The following CNTNAP4 variants were observed in gnomAD, a reference collection of about 807,000 sequenced individuals.
The protein encoded by CNTNAP4 is contactin associated protein family member 4, also known as contactin-associated protein-like 4.
A neutral mutation model predicts 148.4 loss-of-function variants in CNTNAP4; 98 were observed. The observed-to-expected ratio is 0.66, with a 90% CI of 0.56 to 0.78. The LOEUF (loss-of-function observed/expected upper bound fraction) is 0.78. Among genes scored for constraint, CNTNAP4 ranks in the 30% least tolerant of loss-of-function variants. The probability of loss-of-function intolerance (pLI) is 0.00; values close to 1 mark genes in which losing one functional copy is unlikely to be tolerated. For synonymous variants in CNTNAP4, 730 were observed against 565.1 expected, an observed-to-expected ratio of 1.29 and a Z score of -4.14; for missense variants, 1,935 against 1,565.6, an observed-to-expected ratio of 1.24 and a Z score of -3.98.
chr16:76,360,873 G>A (rs1206222682), intron 3 of CNTNAP4, among the ~76,000 whole-genome samples: 1 of 143,954 alleles, frequency 6.9e-6, no homozygotes, highest in Non-Finnish European at 1.5e-5. Context: ...CTGGAGTGCA[G>A]TGGCACGATC....
At chr16:76,372,943 T>C (rs2015007374) in intron 3 of CNTNAP4, among the ~76,000 whole-genome samples, 1 of 152,198 alleles carries the variant, frequency 6.6e-6, no homozygotes, top group Non-Finnish European at 1.5e-5. Flanking sequence ...GCTAATGTGG[T>C]TTCGAAGAGA....
At chr16:76,372,155 T>TC (rs2014900456) in intron 3 of CNTNAP4, among the ~76,000 whole-genome samples, 1 of 151,200 alleles carries the variant, frequency 6.6e-6, no homozygotes, top group African/African-American at 2.4e-5. Flanking sequence ...TTTTTTTTTT[T>TC]TTGAGACGGA....
chr16:76,514,108 A>T (rs2083138634), intron 15 of CNTNAP4, among the ~76,000 whole-genome samples: 1 of 152,190 alleles, frequency 6.6e-6, no homozygotes, highest in African/African-American at 2.4e-5. Context: ...TTGCTAATTC[A>T]GAATAGGTTA....
chr16:76,366,136 T>A (rs1242489817), intron 3 of CNTNAP4, among the ~76,000 whole-genome samples: 7 of 152,170 alleles, frequency 4.6e-5, no homozygotes, highest in Admixed American at 1.3e-4. Context: ...TTATAAAAAA[T>A]TTGCTGAAAT....
At chr16:76,397,992 A>G (rs1158832947) in intron 3 of CNTNAP4, among the ~76,000 whole-genome samples, 3 of 82,200 alleles carry the variant, frequency 3.6e-5, no homozygotes, top group East Asian at 3.8e-4. Context: ...ATATATATAT[A>G]TATATATATG....
intron 2 of CNTNAP4, among the ~76,000 whole-genome samples, chr16:76,339,512 C>T (rs1340884482): frequency 6.6e-6 from 1 of 151,822 alleles, no homozygotes; most frequent in Non-Finnish European, 1.5e-5. Context: ...ACATTTCAGA[C>T]ACTCTAGAGA....
At chr16:76,458,248 C>G (rs1285673407) in intron 8 of CNTNAP4, among the ~76,000 whole-genome samples, 2 of 152,048 alleles carry the variant, frequency 1.3e-5, no homozygotes, top group African/African-American at 4.8e-5. Context: ...AATAATACTA[C>G]AATAAATACG....
intron 15 of CNTNAP4, among the ~76,000 whole-genome samples, chr16:76,520,513 A>T (rs1209708434): frequency 6.6e-6 from 1 of 152,162 alleles, no homozygotes; most frequent in Non-Finnish European, 1.5e-5. Flanking sequence ...CATCTACTTC[A>T]TTCTTATTGG....
chr16:76,348,292 C>T (rs1273722019), intron 2 of CNTNAP4, among the ~76,000 whole-genome samples: 1 of 151,070 alleles, frequency 6.6e-6, no homozygotes, highest in African/African-American at 2.4e-5. Context: ...AATGGAAAAT[C>T]AGTTTTGGAA....
intron 1 of CNTNAP4, among the ~76,000 whole-genome samples, chr16:76,300,212 T>C (rs1959807408): frequency 6.6e-6 from 1 of 152,184 alleles, no homozygotes. Flanking sequence ...GATGTACTTT[T>C]AAAGAATATC....
chr16:76,297,728 C>T (rs1959463403), intron 1 of CNTNAP4, among the ~76,000 whole-genome samples: 1 of 152,156 alleles, frequency 6.6e-6, no homozygotes, highest in Non-Finnish European at 1.5e-5. Flanking sequence ...TGGTTATATG[C>T]AAATCCTTCA....
At chr16:76,541,370 C>T (rs1436023349) in intron 21 of CNTNAP4, among the ~76,000 whole-genome samples, 1 of 152,094 alleles carries the variant, frequency 6.6e-6, no homozygotes, top group African/African-American at 2.4e-5. Context: ...GCACTGTTGC[C>T]ATTTTAACAT....
At chr16:76,333,002 C>A (rs1204434950) in intron 2 of CNTNAP4, among the ~76,000 whole-genome samples, 1 of 152,152 alleles carries the variant, frequency 6.6e-6, no homozygotes, top group Non-Finnish European at 1.5e-5. Context: ...GGGAATTACT[C>A]CCCTTTCTTA....
At chr16:76,371,379 G>A (rs1471417423) in intron 3 of CNTNAP4, among the ~76,000 whole-genome samples, 3 of 152,016 alleles carry the variant, frequency 2.0e-5, no homozygotes, top group African/African-American at 7.2e-5. Flanking sequence ...TCCACCTCCC[G>A]GATTCAAGCG....
intron 4 of CNTNAP4, among the ~76,000 whole-genome samples, chr16:76,441,199 T>G (rs1351055067): frequency 6.6e-6 from 1 of 152,068 alleles, no homozygotes; most frequent in African/African-American, 2.4e-5. Flanking sequence ...CAATTGACTA[T>G]AAGCTCTTTC....
chr16:76,355,312 TA>T lies in CNTNAP4; in HGVS notation c.197-2del. 1 of 1,504,554 alleles carries T rather than the reference TA, an allele frequency of 6.6e-7. No homozygotes were observed. The highest frequency in any genetic ancestry group is 8.9e-7 in the Non-Finnish European group (1 of 1,126,050). The allele number at this position is 1,504,554 out of a possible 1,614,324, so 93.2% of individuals were successfully genotyped here. On this transcript the variant is annotated splice_polypyrimidine_tract_variant and splice_region_variant and intron_variant, in intron 2 of 23. Transcript: ENST00000611870. ...AATTTTCTCCTGTTTCTATTTTTAA[TA>T]AAAGGAGCTGGTGGCTGGTCTCCAC...
intron 17 of CNTNAP4, among the ~76,000 whole-genome samples, chr16:76,524,140 T>C (rs1293741790): frequency 6.6e-6 from 1 of 152,182 alleles, no homozygotes; most frequent in Non-Finnish European, 1.5e-5. Context: ...GTTTTGATAA[T>C]TTATTATTTC....
At chr16:76,422,879 G>A (rs1245009732) in intron 3 of CNTNAP4, among the ~76,000 whole-genome samples, 1 of 152,108 alleles carries the variant, frequency 6.6e-6, no homozygotes, top group African/African-American at 2.4e-5. Flanking sequence ...AGTTGTTATG[G>A]TCCAAATATT....
At chr16:76,286,347 T>C (rs914148955) in intron 1 of CNTNAP4, among the ~76,000 whole-genome samples, 1 of 152,114 alleles carries the variant, frequency 6.6e-6, no homozygotes, top group African/African-American at 2.4e-5. Context: ...TCATATTTGC[T>C]ATCCATACCA....
Sources: gnomAD v4.1 joint callset for allele counts (sites outside exome capture counted in the v4.1 genomes callset) on GRCh38, gnomAD v4.1.1 for gene constraint, MANE v1.5 for transcripts, NCBI Gene and HGNC (gene_info 2026-07-23, HGNC 2026-07-21) for gene names.